Variants in DENND6B observed in about 807,000 individuals in gnomAD.
DENND6B encodes the protein protein DENND6B.
DENND6B carries 73 observed loss-of-function variants against 85.1 expected under a neutral mutation model. The ratio of observed to expected loss-of-function variants is 0.86; its 90% CI spans 0.71 to 1.04. The LOEUF (loss-of-function observed/expected upper bound fraction) is 1.04, where lower values mean the gene tolerates loss of function less well. Ranked by LOEUF, DENND6B falls within the 50% of genes least tolerant of loss-of-function variation. The pLI is 0.00. For missense variants in DENND6B, 715 were observed against 785.8 expected, an observed-to-expected ratio of 0.91 and a Z score of 1.08; for synonymous variants, 357 against 329.3, an observed-to-expected ratio of 1.08 and a Z score of -0.91.
At chr22:50,322,113 T>C (rs2042063749) in intron 1 of DENND6B, among the ~76,000 whole-genome samples, 1 of 150,192 alleles carries the variant, frequency 6.7e-6, no homozygotes, top group Non-Finnish European at 1.5e-5. Flanking sequence ...CTAACTCTGT[T>C]GCCCAGGCTG....
At position 50,309,816 on chromosome 22, in the gene DENND6B, CTGCAGCCCTCTGTGCTG is replaced by C. The variant is rs1316292384; in HGVS notation, c.*2306_*2322del. On this transcript the variant is annotated 3_prime_UTR_variant, in exon 20 of 20. Coordinates refer to ENST00000413817, the MANE Select transcript of DENND6B (RefSeq NM_001001794.4). ...GCCCCTCCCCTGCAGCCATGTGGGTCTGCAGCCCTCTGTGCTGTGCGGCAGCCCTCAGAAAGCCAAGT... is the reference window on the plus strand; with the variant it reads ...GCCCCTCCCCTGCAGCCATGTGGGTCTGCGGCAGCCCTCAGAAAGCCAAGT... 1.3e-5 allele frequency: 2 copies of C among 152,366 alleles called. No individual in the cohort carries two copies. Among genetic ancestry groups the C allele is most frequent in the Non-Finnish European group, 2.9e-5 (2 of 68,112 alleles). The allele number at this position is 152,366 out of a possible 1,614,324, so 9.4% of individuals were successfully genotyped here.
At chr22:50,313,982 C>T (rs1280210127) in intron 13 of DENND6B, 104 bp from the exon 14 acceptor site, 1 of 1,421,048 alleles carries the variant, frequency 7.0e-7, no homozygotes, top group Non-Finnish European at 9.3e-7. Flanking sequence ...TGCCTGCAGC[C>T]CCATGCCCTT....
At chr22:50,319,563 C>A in intron 1 of DENND6B, 1 of 969,508 alleles carries the variant, frequency 1.0e-6, no homozygotes, top group Non-Finnish European at 1.2e-6. Context: ...GGGGCTCCAC[C>A]TGGCCGGCCC....
intron 8 of DENND6B, 125 bp from the exon 9 acceptor site, chr22:50,315,894 G>A: frequency 6.5e-7 from 1 of 1,530,352 alleles, no homozygotes; most frequent in Non-Finnish European, 8.9e-7. Context: ...CACACAGCCT[G>A]TGGCTTTGCC....
At chr22:50,312,468 G>T in intron 18 of DENND6B, 51 bp from the exon 19 acceptor site, 2 of 1,585,884 alleles carry the variant, frequency 1.3e-6, no homozygotes, top group Non-Finnish European at 1.7e-6. Context: ...ACTGCCCTGG[G>T]CCTGTGCCCA....
intron 9 of DENND6B, 144 bp from the exon 10 acceptor site, chr22:50,315,065 A>T: frequency 8.2e-7 from 1 of 1,215,166 alleles, no homozygotes; most frequent in Non-Finnish European, 1.1e-6. Context: ...ATCTATCTGA[A>T]GATGTGTCTC....
At chr22:50,326,090 CAG>C (rs768307063) in intron 1 of DENND6B, among the ~76,000 whole-genome samples, 13 of 152,242 alleles carry the variant, frequency 8.5e-5, no homozygotes, top group Non-Finnish European at 1.3e-4. Flanking sequence ...ACACAGGACA[CAG>C]AGAAGATCAT....
At chr22:50,322,852 A>ATTT (rs374958143) in intron 1 of DENND6B, among the ~76,000 whole-genome samples, 1 of 140,822 alleles carries the variant, frequency 7.1e-6, no homozygotes. Flanking sequence ...GCCCAGCCTT[A>ATTT]TTTTTTTTTT....
At position 50,311,754 on chromosome 22, in the gene DENND6B, T is replaced by G; in HGVS notation, c.*385A>C. ...GGTCCCTCCTGTCCTGGGCAGCCTG[T>G]TGGGCTGAGGGAAGCATCACACACA... is the stretch of plus-strand genomic sequence containing the variant. On this transcript the variant is annotated 3_prime_UTR_variant, in exon 20 of 20. Transcript: ENST00000413817. 4.3e-6 allele frequency: 1 copy of G among 234,508 alleles called. No individual in the cohort carries two copies. Among genetic ancestry groups the G allele is most frequent in the Non-Finnish European group, 8.4e-6 (1 of 118,570 alleles). The allele number at this position is 234,508 out of a possible 1,614,324, so 14.5% of individuals were successfully genotyped here. A position where few individuals can be genotyped will look rare whatever the true frequency, so the allele number is the denominator to read the frequency against.
At position 50,319,175 on chromosome 22, in the gene DENND6B, G is replaced by A. The variant is rs529372105; in HGVS notation, c.178-172C>T. 2.0e-6 allele frequency: 3 copies of A among 1,520,496 alleles called. No homozygotes were observed. In the Admixed American group the frequency reaches 5.9e-5, roughly 30 times the overall value. 94.2% of individuals were successfully genotyped at this position (1,520,496 alleles called of 1,614,324 possible). On this transcript the variant is annotated intron_variant, in intron 1 of 19. Transcript: ENST00000413817. ...CTGCTCCCTGTTCCAACAGCACGCT[G>A]CATCCTCCCCACACCATATTCTCTG...
chr22:50,317,092 G>A, intron 5 of DENND6B: 2 of 385,016 alleles, frequency 5.2e-6, no homozygotes, highest in East Asian at 5.4e-5. Context: ...GGACAGGGTG[G>A]GGGGGTGGCG....
At position 50,318,996 on chromosome 22, in the gene DENND6B, T is replaced by C. The variant is rs1304706327; in HGVS notation, c.185A>G (p.Tyr62Cys). 2 of 1,600,112 alleles carry C rather than the reference T, an allele frequency of 1.2e-6. No homozygotes were observed. Among genetic ancestry groups the C allele is most frequent in the Admixed American group, 1.7e-5 (1 of 58,018 alleles). ...LELGQALELVYPNDFRLTDKE... is the reference protein window; with the variant it reads ...LELGQALELVCPNDFRLTDKE... ...GTCTGTGAGCCGGAAGTCGTTCGGATACACCAGCTGCAGAGGAAGACAGAG... is the reference window on the plus strand; with the variant it reads ...GTCTGTGAGCCGGAAGTCGTTCGGACACACCAGCTGCAGAGGAAGACAGAG... The change falls in exon 2 of 20, where the codon TAT becomes TGT. Residue 62 changes from tyrosine (Y) to cysteine (C), a missense_variant. Physicochemically the swap from Tyr to Cys is radical, Grantham distance 194. Transcript: ENST00000413817.
chr22:50,310,250 C>T lies in DENND6B; in HGVS notation c.*1889G>A, dbSNP rs2068042067. The T allele has an allele frequency of 3.3e-5, 5 of 152,308 alleles. No homozygotes were observed. Among genetic ancestry groups the T allele is most frequent in the African/African-American group, 1.2e-4 (5 of 41,470 alleles). 9.4% of individuals were successfully genotyped at this position (152,308 alleles called of 1,614,324 possible). On this transcript the variant is annotated 3_prime_UTR_variant, in exon 20 of 20. Transcript: ENST00000413817. ...TCTCACCCTCGGGTCCCCGGCTTGT[C>T]CCTGCCACAGAACAGGTTTGCCACC...
intron 1 of DENND6B, among the ~76,000 whole-genome samples, chr22:50,319,685 C>CTCACCTGGGATGGTCACGG (rs2041982990): frequency 2.0e-5 from 3 of 152,216 alleles, no homozygotes; most frequent in African/African-American, 7.2e-5. Flanking sequence ...CAGAGGGCCC[C>CTCACCTGGGATGGTCACGG]GGTCGTGCTG....
rs779706268 is a variant in DENND6B at position 50,316,208 on chromosome 22, G to T, written c.605C>A (p.Thr202Asn). 25 of 1,611,682 alleles carry T rather than the reference G, an allele frequency of 1.6e-5. No individual in the cohort carries two copies. The highest frequency in any genetic ancestry group is 2.1e-5 in the Non-Finnish European group (25 of 1,179,620). The change falls in exon 7 of 20, where the codon ACC becomes AAC. Residue 202 changes from threonine to asparagine, a missense_variant. Coordinates refer to ENST00000413817, the MANE Select transcript of DENND6B (RefSeq NM_001001794.4). ...DQWPAPAPGQTLNLPVMGVVV... is the reference protein window; with the variant it reads ...DQWPAPAPGQNLNLPVMGVVV... ...AACGCCCATGACAGGTAGGTTCAGGGTCTGCCCAGGTGCAGGCGCCGGCCA... is the reference window on the plus strand; with the variant it reads ...AACGCCCATGACAGGTAGGTTCAGGTTCTGCCCAGGTGCAGGCGCCGGCCA...
At position 50,314,506 on chromosome 22, in the gene DENND6B, G is replaced by A. The variant is rs200645675; in HGVS notation, c.978-12C>T. On this transcript the variant is annotated splice_polypyrimidine_tract_variant and intron_variant, in intron 11 of 19. Transcript: ENST00000413817. The stretch of plus-strand genomic sequence containing the variant: ...GGACCACGTTTGGTCTAGACAGACA[G>A]AGAGAGAGAAGAGGCAGAGACAGAG... 6 of 1,554,508 alleles carry A rather than the reference G, an allele frequency of 3.9e-6. No homozygotes were observed. In the Admixed American group the frequency reaches 5.8e-5, roughly 15 times the overall value.
intron 1 of DENND6B, 55 bp downstream of exon 1, chr22:50,326,756 GC>G: frequency 1.5e-6 from 2 of 1,306,024 alleles, no homozygotes; most frequent in South Asian, 4.0e-5. Context: ...GGCGGGACTG[GC>G]CCCGAGAGGC....
intron 15 of DENND6B, 44 bp downstream of exon 15, chr22:50,313,591 G>T: frequency 4.7e-5 from 14 of 295,648 alleles, no homozygotes; most frequent in Non-Finnish European, 5.8e-5. Flanking sequence ...CATCCCCCCA[G>T]CCCCGTGCCC....
In DENND6B at chr22:50,314,283, C is replaced by T. The variant is rs750567493; in HGVS notation, c.1073-11G>A. ...GCTTAGGCAGGTCTCCTACGAGACA[C>T]GCCCGGTGGCCAGGCCTCAGTGCCC... On this transcript the variant is annotated splice_polypyrimidine_tract_variant and intron_variant, in intron 12 of 19. Transcript: ENST00000413817. 39 of 1,608,262 alleles carry T rather than the reference C, an allele frequency of 2.4e-5. No individual in the cohort carries two copies. Among genetic ancestry groups the T allele is most frequent in the East Asian group, 1.8e-4 (8 of 44,798 alleles).
Sources: allele counts gnomAD v4.1 joint callset (sites outside exome capture counted in the v4.1 genomes callset), GRCh38; gene constraint gnomAD v4.1.1; transcripts MANE v1.5; gene names NCBI Gene and HGNC (gene_info 2026-07-23, HGNC 2026-07-21).